Variants in NREP observed in about 807,000 individuals in gnomAD.
NREP encodes the protein neuronal regeneration related protein, also known as neuronal regeneration-related protein.
A neutral mutation model predicts 8.6 loss-of-function variants in NREP; 5 were observed. The ratio of observed to expected loss-of-function variants is 0.58; its 90% CI spans 0.30 to 1.22. The LOEUF is 1.22. Among genes scored for constraint, NREP ranks in the 50% most tolerant of loss-of-function variants. The pLI is 0.07. For missense variants in NREP, 86 were observed against 82.5 expected (o/e 1.04, Z -0.17); for synonymous variants, 27 against 28.0 (o/e 0.96, Z 0.11).
chr5:111,847,291 C>A (rs1167399774), intron 2 of NREP, among the ~76,000 whole-genome samples: 1 of 152,092 alleles, frequency 6.6e-6, no homozygotes, highest in Non-Finnish European at 1.5e-5. Context: ...CCTTTCATGG[C>A]CTTTCCTTAG....
chr5:111,898,140 T>G (rs1754556635), intron 2 of NREP, among the ~76,000 whole-genome samples: 1 of 152,172 alleles, frequency 6.6e-6, no homozygotes, highest in Non-Finnish European at 1.5e-5. Flanking sequence ...TGGAGAGTTT[T>G]GAGCAGAGCA....
intron 2 of NREP, among the ~76,000 whole-genome samples, chr5:111,959,150 A>G (rs996592637): frequency 5.3e-5 from 8 of 152,150 alleles, no homozygotes; most frequent in Non-Finnish European, 8.8e-5. Flanking sequence ...AAGTTGCCAA[A>G]AAAAGCAAAA....
At chr5:111,806,076 T>C (rs1023613150) in intron 2 of NREP, among the ~76,000 whole-genome samples, 1 of 152,196 alleles carries the variant, frequency 6.6e-6, no homozygotes, top group Non-Finnish European at 1.5e-5. Flanking sequence ...GAAAGGTATA[T>C]AAGTGTTATT....
chr5:111,885,910 G>C (rs1754232644), intron 2 of NREP, among the ~76,000 whole-genome samples: 4 of 152,114 alleles, frequency 2.6e-5, no homozygotes, highest in Admixed American at 2.6e-4. Flanking sequence ...ACATAGGCAT[G>C]GGCAAGGACT....
At chr5:111,924,625 A>T (rs1291681816) in intron 2 of NREP, among the ~76,000 whole-genome samples, 1 of 152,154 alleles carries the variant, frequency 6.6e-6, no homozygotes, top group Non-Finnish European at 1.5e-5. Context: ...GGGTTTCTGC[A>T]TCCCTAATAT....
intron 2 of NREP, among the ~76,000 whole-genome samples, chr5:111,950,093 T>C (rs1460349898): frequency 6.6e-6 from 1 of 152,110 alleles, no homozygotes; most frequent in Non-Finnish European, 1.5e-5. Flanking sequence ...CCAGCATCTG[T>C]TGTTTCCTGA....
chr5:111,880,163 A>T (rs1474039452), intron 2 of NREP, among the ~76,000 whole-genome samples: 3 of 151,514 alleles, frequency 2.0e-5, no homozygotes, highest in Admixed American at 6.6e-5. Context: ...CACTAGGCAG[A>T]TTTTTTTTTC....
intron 2 of NREP, among the ~76,000 whole-genome samples, chr5:111,848,437 T>C (rs1644996269): frequency 6.6e-6 from 1 of 152,124 alleles, no homozygotes; most frequent in Non-Finnish European, 1.5e-5. Flanking sequence ...TGGAGAGTTT[T>C]TTTCTCTCCC....
intron 2 of NREP, among the ~76,000 whole-genome samples, chr5:111,910,347 CT>C (rs529685659): frequency 1.3e-3 from 204 of 151,884 alleles, no homozygotes; most frequent in South Asian, 8.7e-3. Context: ...GTTAAATCAT[CT>C]TTTTTTTCCA....
Position 111,847,354 on chromosome 5 carries a change from A to G in NREP, c.136-111847T>C, listed in dbSNP as rs117896061. On this transcript the variant is annotated intron_variant, in intron 2 of 3. Transcript: ENST00000395634. The stretch of plus-strand genomic sequence containing the variant: ...TCTCTTTTTCTTTTTGTAGGGGAAT[A>G]AATCCTACTATGTGGGCTGTAACCC... Among the ~76,000 whole-genome samples, 15 of 152,242 alleles carry G rather than the reference A, an allele frequency of 9.9e-5. No individual in the cohort carries two copies. In the East Asian group the frequency reaches 2.7e-3, roughly 27 times the overall value.
intron 2 of NREP, among the ~76,000 whole-genome samples, chr5:111,885,347 C>A (rs1258315225): frequency 6.6e-6 from 1 of 151,984 alleles, no homozygotes; most frequent in East Asian, 1.9e-4. Context: ...AATGGAAGAA[C>A]ATTCCATGCT....
intron 2 of NREP, among the ~76,000 whole-genome samples, chr5:111,963,070 G>A (rs569887800): frequency 3.3e-5 from 5 of 152,242 alleles, no homozygotes; most frequent in South Asian, 4.1e-4. Flanking sequence ...GCCGCCCTGC[G>A]CAACGAGGCA....
chr5:111,855,753 C>T (rs1225613975), intron 2 of NREP, among the ~76,000 whole-genome samples: 1 of 152,178 alleles, frequency 6.6e-6, no homozygotes, highest in Non-Finnish European at 1.5e-5. Flanking sequence ...CCTGATCCCA[C>T]ATGCAAAGCC....
chr5:111,943,360 G>T (rs1413328016), intron 2 of NREP, among the ~76,000 whole-genome samples: 1 of 151,962 alleles, frequency 6.6e-6, no homozygotes, highest in African/African-American at 2.4e-5. Context: ...GCTCTTAAAT[G>T]CTGGGCTTCC....
chr5:111,809,619 T>G (rs1196101451), intron 2 of NREP, among the ~76,000 whole-genome samples: 1 of 152,186 alleles, frequency 6.6e-6, no homozygotes, highest in African/African-American at 2.4e-5. Flanking sequence ...CCTCTTCTCA[T>G]GTATCCACTT....
Position 111,769,444 on chromosome 5 carries a change from G to C in NREP, c.136-33937C>G, listed in dbSNP as rs538901559. Among the ~76,000 whole-genome samples, 33 of 152,300 alleles carry C rather than the reference G, an allele frequency of 2.2e-4. No homozygotes were observed. In the South Asian group the frequency reaches 6.0e-3, roughly 28 times the overall value. ...AAAATGACCGGGCAAAGAATGCCTGGGGGGAGGGTGAGGAAAGCGGTATTT... is the reference window on the plus strand; with the variant it reads ...AAAATGACCGGGCAAAGAATGCCTGCGGGGAGGGTGAGGAAAGCGGTATTT... On this transcript the variant is annotated intron_variant, in intron 2 of 3. Transcript: ENST00000395634.
chr5:111,859,759 C>T (rs961685394), intron 2 of NREP, among the ~76,000 whole-genome samples: 1 of 152,044 alleles, frequency 6.6e-6, no homozygotes, highest in African/African-American at 2.4e-5. Flanking sequence ...TCTACCATCC[C>T]ACAGGCAACT....
intron 2 of NREP, among the ~76,000 whole-genome samples, chr5:111,805,950 A>G (rs1752130969): frequency 6.6e-6 from 1 of 151,604 alleles, no homozygotes; most frequent in African/African-American, 2.4e-5. Context: ...ATGTAAACAA[A>G]GTAATGGGTA....
intron 2 of NREP, among the ~76,000 whole-genome samples, chr5:111,875,415 C>T (rs768096496): frequency 6.6e-6 from 1 of 151,922 alleles, no homozygotes; most frequent in African/African-American, 2.4e-5. Flanking sequence ...TTTCCAGAAA[C>T]GTATCAGGAA....
Sources: gnomAD v4.1 joint callset for allele counts (sites outside exome capture counted in the v4.1 genomes callset) on GRCh38, gnomAD v4.1.1 for gene constraint, MANE v1.5 for transcripts, NCBI Gene and HGNC (gene_info 2026-07-23, HGNC 2026-07-21) for gene names.